LMNTD1: variants seen among roughly 807,000 people sequenced by gnomAD.
LMNTD1 encodes lamin tail domain-containing protein 1.
In LMNTD1, 35 loss-of-function variants were observed where a neutral mutation model predicts 50.9. The ratio of observed to expected loss-of-function variants is 0.69; its 90% CI spans 0.53 to 0.91. LMNTD1 has a LOEUF of 0.91. LMNTD1 is among the 40% of genes least tolerant of loss of function. LMNTD1 has a pLI of 0.00. For synonymous variants in LMNTD1, 153 were observed against 161.9 expected, an observed-to-expected ratio of 0.94 and a Z score of 0.42; for missense variants, 470 against 475.5, an observed-to-expected ratio of 0.99 and a Z score of 0.11.
chr12:25,489,714 A>G (rs1938823238), intron 9 of LMNTD1, among the ~76,000 whole-genome samples: 1 of 152,194 alleles, frequency 6.6e-6, no homozygotes, highest in African/African-American at 2.4e-5. Flanking sequence ...ATGAAATTGC[A>G]AAAGAAATGA....
chr12:25,581,181 T>A (rs1161472295), intron 1 of LMNTD1, among the ~76,000 whole-genome samples: 3 of 148,854 alleles, frequency 2.0e-5, no homozygotes, highest in Non-Finnish European at 4.4e-5. Flanking sequence ...GTGCTGACTG[T>A]GCTGCTGAGA....
chr12:25,538,394 C>T (rs1942776716), intron 4 of LMNTD1, among the ~76,000 whole-genome samples: 1 of 151,180 alleles, frequency 6.6e-6, no homozygotes, highest in South Asian at 2.1e-4. Flanking sequence ...ACCCTACAAG[C>T]TGGAAGAGAG....
At position 25,526,841 on chromosome 12, in the gene LMNTD1, A is replaced by C; in HGVS notation, c.606T>G (p.Asn202Lys). Residue 202 changes from asparagine to lysine, a missense_variant, in exon 5 of 10, where the codon AAT (asparagine) becomes AAG (lysine). Coordinates refer to ENST00000458174, the MANE Select transcript of LMNTD1 (RefSeq NM_001145728.2). ...ACAAAGAAATGGTTTGTCCATTCAC[A>C]TTTTGCTGGAGAATATGATCTCCAA... ...MAIGDHILQQNVNGQTISLYR... is the reference protein window; with the variant it reads ...MAIGDHILQQKVNGQTISLYR... 4.3e-6 allele frequency: 7 copies of C among 1,613,406 alleles called. No homozygotes were observed. The highest frequency in any genetic ancestry group is 5.9e-6 in the Non-Finnish European group (7 of 1,179,538).
rs536416453 is a variant in LMNTD1, at chr12:25,563,852, C to T, written c.59-17298G>A. ...CTCAAGCCTCAGCAATGGTGGGCGCCCCTCCCCCAGCCTCGCTGCCACCTT... is the reference window on the plus strand; with the variant it reads ...CTCAAGCCTCAGCAATGGTGGGCGCTCCTCCCCCAGCCTCGCTGCCACCTT... On this transcript the variant is annotated intron_variant, in intron 1 of 7. Coordinates refer to the LMNTD1 transcript ENST00000445693. 3.9e-5 allele frequency among the ~76,000 whole-genome samples: 6 copies of T among 152,294 alleles called. No individual in the cohort carries two copies. In the East Asian group the frequency reaches 9.6e-4, roughly 24 times the overall value.
chr12:25,636,588 A>G (rs1404864326), intron 1 of LMNTD1, among the ~76,000 whole-genome samples: 2 of 152,198 alleles, frequency 1.3e-5, no homozygotes, highest in Non-Finnish European at 2.9e-5. Flanking sequence ...TCCTTAAGGA[A>G]CTAAAAGGAG....
At chr12:25,641,724 A>G (rs974280790) in intron 1 of LMNTD1, among the ~76,000 whole-genome samples, 2 of 152,156 alleles carry the variant, frequency 1.3e-5, no homozygotes, top group African/African-American at 4.8e-5. Flanking sequence ...GTAAATAATA[A>G]AAGAAACATT....
At chr12:25,535,995 T>A (rs200221409) in intron 4 of LMNTD1, among the ~76,000 whole-genome samples, 41 of 151,910 alleles carry the variant, frequency 2.7e-4, no homozygotes, top group African/African-American at 9.6e-4. Flanking sequence ...AGTCATTTCA[T>A]AATGATACAA....
intron 4 of LMNTD1, among the ~76,000 whole-genome samples, chr12:25,528,258 T>C (rs566440778): frequency 2.0e-5 from 3 of 152,204 alleles, no homozygotes; most frequent in Non-Finnish European, 4.4e-5. Context: ...AGACAGGTAG[T>C]ATTTTAGCCC....
At chr12:25,597,985 G>C (rs1945878575) in intron 1 of LMNTD1, among the ~76,000 whole-genome samples, 1 of 152,082 alleles carries the variant, frequency 6.6e-6, no homozygotes, top group African/African-American at 2.4e-5. Context: ...TTTTTCCCAT[G>C]CTGTTCTTGT....
At chr12:25,587,272 A>G (rs761186988) in intron 1 of LMNTD1, among the ~76,000 whole-genome samples, 14 of 152,190 alleles carry the variant, frequency 9.2e-5, no homozygotes, top group African/African-American at 1.2e-4. Flanking sequence ...TATTATTGCT[A>G]TAAAGAAATA....
intron 1 of LMNTD1, among the ~76,000 whole-genome samples, chr12:25,590,810 G>T (rs1945675050): frequency 6.6e-6 from 1 of 152,160 alleles, no homozygotes; most frequent in Non-Finnish European, 1.5e-5. Context: ...TCCAGGAAAG[G>T]GAGGACCCTG....
intron 1 of LMNTD1, among the ~76,000 whole-genome samples, chr12:25,563,401 G>A (rs1467680744): frequency 6.6e-6 from 1 of 152,212 alleles, no homozygotes; most frequent in Non-Finnish European, 1.5e-5. Flanking sequence ...AGAGTTTGCT[G>A]GAGGTCCACT....
chr12:25,644,388 G>A (rs1212056750), intron 1 of LMNTD1, among the ~76,000 whole-genome samples: 1 of 151,840 alleles, frequency 6.6e-6, no homozygotes, highest in African/African-American at 2.4e-5. Flanking sequence ...AAGAGGGTGA[G>A]GTGGGAAGAT....
intron 8 of LMNTD1, among the ~76,000 whole-genome samples, chr12:25,518,102 T>C (rs76030333): frequency 1.8e-4 from 28 of 152,220 alleles, no homozygotes; most frequent in Non-Finnish European, 3.7e-4. Context: ...TTGTGAATCA[T>C]TACAACTTCA....
chr12:25,563,218 G>A (rs548706046), intron 1 of LMNTD1, among the ~76,000 whole-genome samples: 10 of 152,290 alleles, frequency 6.6e-5, no homozygotes, highest in South Asian at 6.2e-4. Flanking sequence ...GAGAAGAGGC[G>A]CTCTGATTTT....
rs58304861 is a variant in LMNTD1 at position 25,519,587 on chromosome 12, C to CAA, written c.1016+269_1016+270dup. On this transcript the variant is annotated intron_variant, in intron 7 of 9. Coordinates refer to ENST00000458174, the MANE Select transcript of LMNTD1 (RefSeq NM_001145728.2). Reference sequence around the variant, plus strand: ...TGGGTGACAGAGCGAGACTCTGTCTCAAAAAAAAAAAAAAAAAAAAAGTGA... The same window carrying CAA: ...TGGGTGACAGAGCGAGACTCTGTCTCAAAAAAAAAAAAAAAAAAAAAAAGTGA... 4.7e-3 allele frequency among the ~76,000 whole-genome samples: 447 copies of CAA among 94,656 alleles called. 14 individuals carry two copies. Among genetic ancestry groups the CAA allele is most frequent in the African/African-American group, 0.02 (403 of 19,904 alleles). The allele number at this position is 94,656 out of a possible 152,430, so 62.1% of individuals were successfully genotyped here.
chr12:25,492,830 T>A (rs1938930387), intron 9 of LMNTD1, among the ~76,000 whole-genome samples: 1 of 152,194 alleles, frequency 6.6e-6, no homozygotes, highest in African/African-American at 2.4e-5. Context: ...CTTCTATAAC[T>A]TATGGGAGCA....
At chr12:25,566,421 C>T (rs1007020970) in intron 1 of LMNTD1, among the ~76,000 whole-genome samples, 9 of 152,178 alleles carry the variant, frequency 5.9e-5, no homozygotes, top group African/African-American at 1.2e-4. Context: ...GCTATAAATA[C>T]GGAAGTGCAA....
At chr12:25,631,564 C>T (rs148452292) in intron 1 of LMNTD1, among the ~76,000 whole-genome samples, 2,206 of 152,218 alleles carry the variant, frequency 0.014, 65 homozygotes, top group African/African-American at 0.05. Context: ...CACTGCAGTT[C>T]GGCTCACAGG....
Sources: gnomAD v4.1 joint callset for allele counts (sites outside exome capture counted in the v4.1 genomes callset) on GRCh38, gnomAD v4.1.1 for gene constraint, MANE v1.5 for transcripts, NCBI Gene and HGNC (gene_info 2026-07-23, HGNC 2026-07-21) for gene names.